RHOH: variants seen among roughly 807,000 people sequenced by gnomAD.
The protein encoded by RHOH is ras homolog family member H.
A neutral mutation model predicts 13.8 loss-of-function variants in RHOH; 6 were observed. That is an observed-to-expected ratio of 0.44 (90% confidence interval 0.24 to 0.86). The LOEUF (loss-of-function observed/expected upper bound fraction) is 0.86. Among genes scored for constraint, RHOH ranks in the 40% least tolerant of loss-of-function variants. The pLI is 0.24. For synonymous variants in RHOH, 117 were observed against 103.0 expected, an observed-to-expected ratio of 1.14 and a Z score of -0.82; for missense variants, 147 against 244.5, an observed-to-expected ratio of 0.60 and a Z score of 2.66.
chr4:40,194,288 G>C (rs1000433625), upstream of RHOH, among the ~76,000 whole-genome samples: 2 of 151,924 alleles, frequency 1.3e-5, no homozygotes, highest in African/African-American at 4.8e-5. Flanking sequence ...GAGTGCAGTG[G>C]TATGATCTTG....
rs1010185162 is a variant in RHOH at position 40,218,495 on chromosome 4, G to A, written c.-331+21195G>A. Among the ~76,000 whole-genome samples the A allele has an allele frequency of 2.6e-5, 4 of 152,114 alleles. No homozygotes were observed. Among genetic ancestry groups the A allele is most frequent in the African/African-American group, 7.2e-5 (3 of 41,442 alleles). ...GCTCGGCTAATGAGCCCAGGCTGAG[G>A]GCTTTTTTGCAGGCATGCCAAAAAA... On this transcript the variant is annotated intron_variant, in intron 1 of 2. Coordinates refer to ENST00000381799, the MANE Select transcript of RHOH (RefSeq NM_004310.5). This position sits in a 1 kb window ranked among gnomAD's most constrained non-coding sequence, Gnocchi z 4.1.
At chr4:40,227,294 G>C (rs535928433) in intron 1 of RHOH, among the ~76,000 whole-genome samples, 2 of 152,172 alleles carry the variant, frequency 1.3e-5, no homozygotes, top group African/African-American at 2.4e-5. Context: ...TGAATAATTT[G>C]GCATGTCTAT....
chr4:40,229,504 C>G (rs140202755), intron 1 of RHOH, among the ~76,000 whole-genome samples: 2 of 151,884 alleles, frequency 1.3e-5, no homozygotes, highest in Admixed American at 6.6e-5. Context: ...CATGGTGGCA[C>G]ATGCCTGTAG....
chr4:40,238,345 G>A (rs530420252), intron 1 of RHOH, among the ~76,000 whole-genome samples: 75 of 152,336 alleles, frequency 4.9e-4, no homozygotes, highest in South Asian at 1.0e-3. Context: ...TGTGGAGGGC[G>A]TCAGGTGGAG....
At chr4:40,228,288 T>C (rs1194604841) in intron 1 of RHOH, among the ~76,000 whole-genome samples, 1 of 152,210 alleles carries the variant, frequency 6.6e-6, no homozygotes. Context: ...CAGAAAAATG[T>C]ATGCTAATAT....
At chr4:40,220,556 A>G (rs1000074072) in intron 1 of RHOH, among the ~76,000 whole-genome samples, 1 of 152,080 alleles carries the variant, frequency 6.6e-6, no homozygotes, top group Non-Finnish European at 1.5e-5. Context: ...AAATGAAATC[A>G]TTTCTTCTAT....
rs1372505983 is a variant in RHOH, at chr4:40,246,800, G to C, written c.*2838G>C. 6.6e-6 allele frequency: 1 copy of C among 152,218 alleles called. No homozygotes were observed. Among genetic ancestry groups the C allele is most frequent in the Non-Finnish European group, 1.5e-5 (1 of 68,050 alleles). The allele number at this position is 152,218 out of a possible 1,614,324, so 9.4% of individuals were successfully genotyped here. ...CATATGGGTAGAATCCGTGTGTTGT[G>C]TGTTCTACATAAGCACATACTTACT... On this transcript the variant is annotated 3_prime_UTR_variant, in exon 3 of 3. Coordinates refer to ENST00000381799, the MANE Select transcript of RHOH (RefSeq NM_004310.5).
chr4:40,224,462 A>T lies in RHOH; in HGVS notation c.-330-18252A>T, dbSNP rs184459600. Among the ~76,000 whole-genome samples the T allele has an allele frequency of 5.2e-3, 794 of 152,390 alleles. 2 individuals are homozygous for T. Among genetic ancestry groups the T allele is most frequent in the Non-Finnish European group, 8.2e-3 (561 of 68,038 alleles). On this transcript the variant is annotated intron_variant, in intron 1 of 2. Transcript: ENST00000381799. Reference sequence around the variant, plus strand: ...CTCCGCATTTAAAAGTTTAATAGATACTGGCAAGGACTTAAAGGATGGAGT... The same window carrying T: ...CTCCGCATTTAAAAGTTTAATAGATTCTGGCAAGGACTTAAAGGATGGAGT...
chr4:40,199,246 A>G (rs1723644826), intron 1 of RHOH, among the ~76,000 whole-genome samples: 1 of 152,220 alleles, frequency 6.6e-6, no homozygotes, highest in Non-Finnish European at 1.5e-5. Flanking sequence ...AAATCTCTCA[A>G]TAGATGCAAC....
chr4:40,195,148 T>C (rs1450114097), upstream of RHOH, among the ~76,000 whole-genome samples: 2 of 152,252 alleles, frequency 1.3e-5, no homozygotes, highest in African/African-American at 4.8e-5. Flanking sequence ...TTCACTTCTC[T>C]TGGCCTCATT....
intron 1 of RHOH, among the ~76,000 whole-genome samples, chr4:40,197,859 G>C (rs1723408163): frequency 6.6e-6 from 1 of 152,114 alleles, no homozygotes; most frequent in African/African-American, 2.4e-5. Context: ...GGTTTGATTT[G>C]GAGATATGCT....
intron 1 of RHOH, among the ~76,000 whole-genome samples, chr4:40,210,944 C>T (rs1725196033): frequency 1.3e-5 from 2 of 152,130 alleles, no homozygotes; most frequent in Admixed American, 1.3e-4. Flanking sequence ...CTGGGCTAGA[C>T]CAAACATGAT....
rs1729488466 is a variant in RHOH, at chr4:40,243,414, G to A, written c.28G>A (p.Val10Met). Residue 10 changes from valine (V) to methionine (M), a missense_variant, in exon 3 of 3, where the codon GTG becomes ATG. Physicochemically the swap from Val to Met is conservative, Grantham distance 21. This residue lies in a region of RHOH where 80 missense variants were observed against 152.0 expected (regional missense o/e 0.53). Transcript: ENST00000381799. This position sits in a 1 kb window ranked among gnomAD's most constrained non-coding sequence, Gnocchi z 6.2. MLSSIKCVLVGDSAVGKTSL... is the reference protein window; with the variant it reads MLSSIKCVLMGDSAVGKTSL... ...GCTGAGTTCCATCAAGTGCGTGTTG[G>A]TGGGCGACTCTGCTGTGGGGAAAAC... 6.2e-7 allele frequency: 1 copy of A among 1,603,130 alleles called. No homozygotes were observed.
chr4:40,216,897 C>G (rs961517120), intron 1 of RHOH, among the ~76,000 whole-genome samples: 6 of 152,134 alleles, frequency 3.9e-5, no homozygotes, highest in African/African-American at 1.4e-4. Context: ...CTTGACTATT[C>G]TGGTCTCAAT....
At chr4:40,200,856 C>A (rs1723884396) in intron 1 of RHOH, among the ~76,000 whole-genome samples, 1 of 152,154 alleles carries the variant, frequency 6.6e-6, no homozygotes, top group South Asian at 2.1e-4. Context: ...GCGAAAGCAC[C>A]AAATCACATT....
upstream of RHOH, among the ~76,000 whole-genome samples, chr4:40,193,993 T>C (rs1319010547): frequency 6.6e-6 from 1 of 152,052 alleles, no homozygotes. Flanking sequence ...GAGCCTCATC[T>C]CCCCTTCTAC....
rs144574150 is a variant in RHOH at position 40,207,715 on chromosome 4, C to T, written c.-331+10415C>T. 4.1e-3 allele frequency among the ~76,000 whole-genome samples: 622 copies of T among 152,308 alleles called. 11 individuals carry two copies. The highest frequency in any genetic ancestry group is 0.035 in the East Asian group (179 of 5,178). Reference sequence around the variant, plus strand: ...GGCACTGTGGCTCACGCCTGTAATCCCGGCACTTTGGGAGGCCAAGGCGAA... The same window carrying T: ...GGCACTGTGGCTCACGCCTGTAATCTCGGCACTTTGGGAGGCCAAGGCGAA... On this transcript the variant is annotated intron_variant, in intron 1 of 2. Transcript: ENST00000381799.
upstream of RHOH, among the ~76,000 whole-genome samples, chr4:40,193,369 C>T (rs546210979): frequency 6.6e-6 from 1 of 152,308 alleles, no homozygotes; most frequent in Admixed American, 6.5e-5. Context: ...GGGACACGCC[C>T]TGGGGCTTGG....
At chr4:40,229,851 A>G (rs772772725) in intron 1 of RHOH, among the ~76,000 whole-genome samples, 9 of 152,070 alleles carry the variant, frequency 5.9e-5, no homozygotes, top group Non-Finnish European at 1.0e-4. Context: ...AATCCCTGAC[A>G]TCTTATTGAT....
Sources: allele counts gnomAD v4.1 joint callset (sites outside exome capture counted in the v4.1 genomes callset), GRCh38; gene constraint gnomAD v4.1.1; regional missense constraint gnomAD v4.1.1; non-coding constraint Gnocchi (gnomAD v3.1); transcripts MANE v1.5; gene names NCBI Gene and HGNC (gene_info 2026-07-23, HGNC 2026-07-21).